Variants in EPM2A observed in about 807,000 individuals in gnomAD.
EPM2A encodes laforin.
A neutral mutation model predicts 26.5 loss-of-function variants in EPM2A; 21 were observed. The ratio of observed to expected loss-of-function variants is 0.79; its 90% CI spans 0.56 to 1.14. EPM2A has a LOEUF of 1.14. Ranked by LOEUF, EPM2A falls within the 50% of genes most tolerant of loss-of-function variation. The probability of loss-of-function intolerance (pLI) is 0.00; values close to 1 mark genes in which losing one functional copy is unlikely to be tolerated. For synonymous variants in EPM2A, 217 were observed against 177.6 expected (o/e 1.22, Z -1.76); for missense variants, 458 against 440.8 (o/e 1.04, Z -0.35).
chr6:145,735,730 C>CG, upstream of EPM2A: 1 of 790,330 alleles, frequency 1.3e-6, no homozygotes, highest in Non-Finnish European at 1.6e-6. Context: ...TCTTTGTGCC[C>CG]CGCAACCCCG....
At position 145,626,696 on chromosome 6, in the gene EPM2A, C is replaced by T. The variant is rs1349200171; in HGVS notation, c.*720G>A. On this transcript the variant is annotated 3_prime_UTR_variant, in exon 4 of 4. Coordinates refer to ENST00000367519, the MANE Select transcript of EPM2A (RefSeq NM_005670.4). Reference sequence around the variant, plus strand: ...AGACCTTGGACAAGCTACCTATGCTCATTAAGCCTCAATTTAACTTCTTGA... The same window carrying T: ...AGACCTTGGACAAGCTACCTATGCTTATTAAGCCTCAATTTAACTTCTTGA... 3.0e-6 allele frequency: 3 copies of T among 984,812 alleles called. No homozygotes were observed. In the African/African-American group the frequency reaches 5.2e-5, roughly 17 times the overall value. The allele number at this position is 984,812 out of a possible 1,614,324, so 61.0% of individuals were successfully genotyped here.
intron 2 of EPM2A, 91 bp from the exon 3 acceptor site, chr6:145,635,577 C>T (rs1776599016): frequency 7.8e-7 from 1 of 1,274,990 alleles, no homozygotes; most frequent in Non-Finnish European, 1.1e-6. Context: ...TAAAATATAA[C>T]TAACCTTTAA....
downstream of EPM2A, among the ~76,000 whole-genome samples, chr6:145,500,700 A>G (rs934182350): frequency 1.3e-5 from 2 of 152,172 alleles, no homozygotes; most frequent in Admixed American, 1.3e-4. Flanking sequence ...CTGTGTTCCC[A>G]GAGACTCAGA....
intron 2 of EPM2A, among the ~76,000 whole-genome samples, chr6:145,653,534 T>TA (rs1272146964): frequency 2.6e-5 from 4 of 152,260 alleles, no homozygotes; most frequent in African/African-American, 9.6e-5. Context: ...GTTATTTTTT[T>TA]ATCTATCAGT....
chr6:145,637,386 C>T (rs377293216), intron 2 of EPM2A: 1 of 151,988 alleles, frequency 6.6e-6, no homozygotes, highest in Admixed American at 6.5e-5. Flanking sequence ...GTGGTCATGA[C>T]CCATAATCAG....
chr6:145,465,597 G>A (rs1779380910), intron 4 of EPM2A, among the ~76,000 whole-genome samples: 1 of 151,146 alleles, frequency 6.6e-6, no homozygotes, highest in South Asian at 2.1e-4. Flanking sequence ...CATCTTTGTG[G>A]TTTTATCTAC....
chr6:145,638,568 T>A (rs1024621090), intron 2 of EPM2A: 5 of 152,134 alleles, frequency 3.3e-5, no homozygotes, highest in Non-Finnish European at 7.4e-5. Flanking sequence ...GAAGTCAGAG[T>A]CCATATTTAA....
chr6:145,573,225 G>T (rs1333868388), intron 2 of EPM2A, among the ~76,000 whole-genome samples: 1 of 152,212 alleles, frequency 6.6e-6, no homozygotes, highest in Non-Finnish European at 1.5e-5. Flanking sequence ...CTCTGAATAA[G>T]ATTATAACAC....
chr6:145,451,068 A>C (rs2114708683), intron 4 of EPM2A, among the ~76,000 whole-genome samples: 1 of 152,316 alleles, frequency 6.6e-6, no homozygotes, highest in African/African-American at 2.4e-5. Context: ...CAAGAAAAGC[A>C]ACTGGTAGTA....
chr6:145,709,528 C>T (rs1222679757), intron 1 of EPM2A, among the ~76,000 whole-genome samples: 1 of 152,174 alleles, frequency 6.6e-6, no homozygotes, highest in Non-Finnish European at 1.5e-5. Flanking sequence ...TGCCTTCCAA[C>T]ATGATTATGA....
At chr6:145,614,937 A>C (rs1775472843) in intron 2 of EPM2A, among the ~76,000 whole-genome samples, 1 of 152,242 alleles carries the variant, frequency 6.6e-6, no homozygotes, top group Non-Finnish European at 1.5e-5. Flanking sequence ...CAAACCTTTA[A>C]TTTATAGAAA....
At chr6:145,482,798 T>C (rs1779625992) in intron 4 of EPM2A, among the ~76,000 whole-genome samples, 1 of 152,022 alleles carries the variant, frequency 6.6e-6, no homozygotes, top group Non-Finnish European at 1.5e-5. Context: ...TTTGGCTCTC[T>C]ATTTGTCACT....
chr6:145,548,295 C>T (rs906367483), intron 2 of EPM2A, among the ~76,000 whole-genome samples: 3 of 152,108 alleles, frequency 2.0e-5, no homozygotes, highest in Non-Finnish European at 4.4e-5. Context: ...TTTAGAGACT[C>T]ATGAGAAAAT....
At chr6:145,464,520 T>A (rs891279194) in intron 4 of EPM2A, among the ~76,000 whole-genome samples, 1 of 152,184 alleles carries the variant, frequency 6.6e-6, no homozygotes, top group Non-Finnish European at 1.5e-5. Context: ...TGTATCATTT[T>A]CTTTTCATTT....
At chr6:145,683,886 T>C (rs943995860) in intron 2 of EPM2A, among the ~76,000 whole-genome samples, 1 of 152,016 alleles carries the variant, frequency 6.6e-6, no homozygotes, top group Non-Finnish European at 1.5e-5. Context: ...ATCAACCTAA[T>C]CTTTCACATA....
At chr6:145,662,653 G>T (rs1293202685) in intron 2 of EPM2A, among the ~76,000 whole-genome samples, 2 of 152,068 alleles carry the variant, frequency 1.3e-5, no homozygotes, top group African/African-American at 4.8e-5. Context: ...TTACTAAGAG[G>T]ATATATCAGG....
chr6:145,655,309 G>T (rs1686420984), intron 2 of EPM2A, among the ~76,000 whole-genome samples: 1 of 152,110 alleles, frequency 6.6e-6, no homozygotes, highest in African/African-American at 2.4e-5. Flanking sequence ...ATGACCTAGA[G>T]AAGTGCAGGG....
At chr6:145,429,372 T>A (rs1778892120) in intron 4 of EPM2A, among the ~76,000 whole-genome samples, 1 of 152,198 alleles carries the variant, frequency 6.6e-6, no homozygotes, top group South Asian at 2.1e-4. Flanking sequence ...AAGGTTCTTT[T>A]CTATATTATT....
At chr6:145,552,541 T>C (rs1780670296) in intron 2 of EPM2A, among the ~76,000 whole-genome samples, 1 of 152,062 alleles carries the variant, frequency 6.6e-6, no homozygotes, top group African/African-American at 2.4e-5. Flanking sequence ...GAATGTTAAT[T>C]TGCCACTAAA....
Sources: allele counts gnomAD v4.1 joint callset (sites outside exome capture counted in the v4.1 genomes callset), GRCh38; gene constraint gnomAD v4.1.1; transcripts MANE v1.5; gene names NCBI Gene and HGNC (gene_info 2026-07-23, HGNC 2026-07-21).